PHF8: variants seen among roughly 807,000 people sequenced by gnomAD.
PHF8 encodes PHD finger protein 8.
Under a neutral mutation model 74.4 loss-of-function variants are expected in PHF8, and 9 were observed. That is an observed-to-expected ratio of 0.12 (90% CI 0.07 to 0.21). The LOEUF (loss-of-function observed/expected upper bound fraction) is 0.21. Among genes scored for constraint, PHF8 ranks in the 10% least tolerant of loss-of-function variants. The pLI, the probability that PHF8 is intolerant of heterozygous loss-of-function variation, is 1.00. For missense variants in PHF8, 478 were observed against 816.6 expected (o/e 0.59, Z 5.05); for synonymous variants, 311 against 316.6 (o/e 0.98, Z 0.19).
chrX:53,965,768 A>G (rs1395893357), intron 18 of PHF8, among the ~76,000 whole-genome samples: 3 of 112,256 alleles, frequency 2.7e-5, no homozygotes, highest in Non-Finnish European at 5.6e-5. Context: ...ACTGCAGTTC[A>G]TAACAAGCAA....
chrX:54,020,287 A>G (rs1228115282), intron 4 of PHF8, among the ~76,000 whole-genome samples: 1 of 112,574 alleles, frequency 8.9e-6, no homozygotes, highest in Non-Finnish European at 1.9e-5. Flanking sequence ...GGAGTGTGAA[A>G]TGGTATAGCC....
At chrX:53,942,140 G>A (rs1319374458) in intron 20 of PHF8, among the ~76,000 whole-genome samples, 1 of 111,805 alleles carries the variant, frequency 8.9e-6, no homozygotes, top group Non-Finnish European at 1.9e-5. Flanking sequence ...CAATCCCGTT[G>A]CTCAAAAAGC....
intron 2 of PHF8, among the ~76,000 whole-genome samples, chrX:54,038,027 T>C (rs1182682782): frequency 8.9e-6 from 1 of 112,490 alleles, no homozygotes; most frequent in Non-Finnish European, 1.9e-5. Flanking sequence ...AATATTTCTT[T>C]TATAAACAGG....
chrX:54,048,060 G>C (rs1426687351), upstream of PHF8, among the ~76,000 whole-genome samples: 3 of 110,761 alleles, frequency 2.7e-5, no homozygotes, highest in East Asian at 8.5e-4. Flanking sequence ...GTGGTGGCAC[G>C]TGCCTGTAGT....
intron 11 of PHF8, 136 bp from the exon 12 acceptor site, chrX:53,995,918 G>GAA: frequency 2.5e-6 from 1 of 403,694 alleles, no homozygotes; most frequent in Non-Finnish European, 4.3e-6. Flanking sequence ...ATATCCACAT[G>GAA]CAAAAAAAAA....
In PHF8 at chrX:53,938,016, C is replaced by G; in HGVS notation, c.*1142G>C. The G allele has an allele frequency of 8.6e-7, 1 of 1,165,055 alleles. No individual in the cohort carries two copies. Among genetic ancestry groups the G allele is most frequent in the Non-Finnish European group, 1.1e-6 (1 of 872,173 alleles). On this transcript the variant is annotated 3_prime_UTR_variant, in exon 22 of 22. Coordinates refer to ENST00000338154, the MANE Select transcript of PHF8 (RefSeq NM_015107.3). ...GCGTCTCTTCTCTTCAACTTGGGCT[C>G]GTGAATGGCCTGTCTGCATTCTGCT...
intron 18 of PHF8, among the ~76,000 whole-genome samples, chrX:53,984,239 G>A (rs1023981217): frequency 1.8e-5 from 2 of 110,982 alleles, no homozygotes; most frequent in African/African-American, 3.3e-5. Context: ...GATAGTACAC[G>A]CCTGTAATCC....
At chrX:54,047,123 A>G (rs2146537714), upstream of PHF8, among the ~76,000 whole-genome samples, 1 of 112,559 alleles carries the variant, frequency 8.9e-6, no homozygotes, top group East Asian at 2.8e-4. Context: ...ACAAGGAGTC[A>G]GGAGGAATGA....
chrX:53,995,760 T>C lies in PHF8; in HGVS notation c.1256A>G (p.Glu419Gly). The change falls in exon 12 of 22, where the codon GAG (glutamate) becomes GGG (glycine). Residue 419 changes from glutamate to glycine, a missense_variant. Physicochemically the swap from Glu to Gly is moderately conservative, Grantham distance 98 (BLOSUM62 -2). Around this residue, in one of 9 missense-constraint regions of PHF8, gnomAD observed 153 missense variants for 164.8 expected, o/e 0.93. Coordinates refer to ENST00000338154, the MANE Select transcript of PHF8 (RefSeq NM_015107.3). Reference protein sequence around the residue: ...RKEALPDHEDEIPETVRTVQL... With the variant: ...RKEALPDHEDGIPETVRTVQL... ...TACGGTTCGCACTGTCTCCGGGATC[T>C]CATCCTCATGGTCTGGCAGAGCCTG... 8.4e-7 allele frequency: 1 copy of C among 1,193,991 alleles called. No individual in the cohort carries two copies. Among genetic ancestry groups the C allele is most frequent in the Non-Finnish European group, 1.1e-6 (1 of 879,744 alleles).
At chrX:53,975,048 A>G (rs1235820747) in intron 18 of PHF8, among the ~76,000 whole-genome samples, 1 of 111,786 alleles carries the variant, frequency 8.9e-6, no homozygotes, top group Admixed American at 9.5e-5. Context: ...CTGCACATGT[A>G]CCCCAGAACT....
At chrX:53,958,145 G>A (rs913072169) in intron 19 of PHF8, among the ~76,000 whole-genome samples, 4 of 108,535 alleles carry the variant, frequency 3.7e-5, no homozygotes. Context: ...GGGTTCAAGC[G>A]ATTCTCCTGC....
intron 19 of PHF8, among the ~76,000 whole-genome samples, chrX:53,957,465 G>C (rs1295015066): frequency 9.0e-6 from 1 of 110,682 alleles, no homozygotes; most frequent in Non-Finnish European, 1.9e-5. Flanking sequence ...AGGTTGCAGT[G>C]AGCCAAGATC....
chrX:54,007,591 T>C (rs1158113086), intron 8 of PHF8, among the ~76,000 whole-genome samples: 3 of 111,873 alleles, frequency 2.7e-5, no homozygotes, highest in African/African-American at 6.5e-5. Flanking sequence ...GGGCAAAAGA[T>C]TTAAATAGAT....
At chrX:54,002,921 CT>C (rs781843640) in intron 8 of PHF8, among the ~76,000 whole-genome samples, 2 of 111,569 alleles carry the variant, frequency 1.8e-5, no homozygotes, top group African/African-American at 3.2e-5. Context: ...TGTTCTTTGC[CT>C]TTTTCACCCT....
chrX:53,944,411 C>A, intron 19 of PHF8, 168 bp from the exon 20 acceptor site: 2 of 448,516 alleles, frequency 4.5e-6, no homozygotes, highest in Admixed American at 7.1e-5. Flanking sequence ...TTCACCAATG[C>A]TCAAAGCACA....
chrX:54,047,773 G>C (rs1273689318), upstream of PHF8, among the ~76,000 whole-genome samples: 1 of 111,357 alleles, frequency 9.0e-6, no homozygotes, highest in Non-Finnish European at 1.9e-5. Flanking sequence ...ATGAGATAGA[G>C]AATGATTTGA....
chrX:53,976,745 G>T (rs1030114336), intron 18 of PHF8, among the ~76,000 whole-genome samples: 1 of 104,528 alleles, frequency 9.6e-6, no homozygotes, highest in Non-Finnish European at 2.0e-5. Context: ...AAAAAGAGAA[G>T]AAACAATTTA....
intron 18 of PHF8, among the ~76,000 whole-genome samples, chrX:53,965,634 A>C (rs912917124): frequency 8.0e-5 from 9 of 112,338 alleles, no homozygotes; most frequent in Non-Finnish European, 5.6e-5. Flanking sequence ...CAAAGTTGTC[A>C]GGAAATCTCT....
chrX:54,044,829 T>G (rs782427472), upstream of PHF8: 3 of 1,081,240 alleles, frequency 2.8e-6, no homozygotes, highest in South Asian at 4.1e-5. Context: ...AATTAATAGG[T>G]GGCGGCGGGG....
Sources: allele counts gnomAD v4.1 joint callset (sites outside exome capture counted in the v4.1 genomes callset), GRCh38; gene constraint gnomAD v4.1.1; regional missense constraint gnomAD v4.1.1; transcripts MANE v1.5; gene names NCBI Gene and HGNC (gene_info 2026-07-23, HGNC 2026-07-21).